YWHAE: variants seen among roughly 807,000 people sequenced by gnomAD.
YWHAE encodes the protein tyrosine 3-monooxygenase/tryptophan 5-monooxygenase activation protein epsilon.
Under a neutral mutation model 30.1 loss-of-function variants are expected in YWHAE, and 4 were observed. The observed-to-expected ratio is 0.13, with a 90% CI of 0.07 to 0.30. The LOEUF (loss-of-function observed/expected upper bound fraction) is 0.30, where lower values mean the gene tolerates loss of function less well. Ranked by LOEUF, YWHAE falls within the 10% of genes least tolerant of loss-of-function variation. YWHAE has a pLI of 1.00. For missense variants in YWHAE, 121 were observed against 315.9 expected (o/e 0.38, Z 4.68); for synonymous variants, 118 against 111.8 (o/e 1.06, Z -0.35).
At position 1,387,872 on chromosome 17, in the gene YWHAE, C is replaced by G. The variant is rs141403060; in HGVS notation, c.64+12175G>C. Among the ~76,000 whole-genome samples the G allele has an allele frequency of 5.5e-3, 833 of 150,216 alleles. 8 individuals are homozygous for G. The highest frequency in any genetic ancestry group is 0.019 in the African/African-American group (785 of 40,726). On this transcript the variant is annotated intron_variant, in intron 1 of 5. Coordinates refer to ENST00000264335, the MANE Select transcript of YWHAE (RefSeq NM_006761.5). ...AACTCCTGACCTCAGGTGATCCACC[C>G]TTCTTGGCCTCCCAAAGTGCTGGGA...
At position 1,358,626 on chromosome 17, in the gene YWHAE, G is replaced by A. The variant is rs923760704; in HGVS notation, c.578+2466C>T. On this transcript the variant is annotated intron_variant, in intron 4 of 5. Coordinates refer to ENST00000264335, the MANE Select transcript of YWHAE (RefSeq NM_006761.5). Reference sequence around the variant, plus strand: ...AGGGAGGCTGAGGTCAGGAGTTTGAGACCAGCCTAACCAAGATAGTGAAAC... The same window carrying A: ...AGGGAGGCTGAGGTCAGGAGTTTGAAACCAGCCTAACCAAGATAGTGAAAC... Among the ~76,000 whole-genome samples, 6 of 151,846 alleles carry A rather than the reference G, an allele frequency of 4.0e-5. No individual in the cohort carries two copies. In the East Asian group the frequency reaches 5.9e-4, roughly 15 times the overall value.
At chr17:1,368,606 A>G (rs2072983051) in intron 1 of YWHAE, among the ~76,000 whole-genome samples, 1 of 151,502 alleles carries the variant, frequency 6.6e-6, no homozygotes, top group African/African-American at 2.4e-5. Context: ...TAATAAGACC[A>G]CTCATTAATT....
At chr17:1,376,052 A>G (rs76167986) in intron 1 of YWHAE, among the ~76,000 whole-genome samples, 3 of 152,240 alleles carry the variant, frequency 2.0e-5, no homozygotes, top group African/African-American at 7.2e-5. Context: ...ATATCTCCAT[A>G]TACTGAAGAA....
chr17:1,352,152 G>C (rs1427354267), intron 5 of YWHAE: 1 of 152,198 alleles, frequency 6.6e-6, no homozygotes, highest in Non-Finnish European at 1.5e-5. Context: ...CCAAGGGCTG[G>C]GAGTAGCTGC....
intron 1 of YWHAE, among the ~76,000 whole-genome samples, chr17:1,388,477 G>A (rs2073341490): frequency 6.6e-6 from 1 of 151,298 alleles, no homozygotes; most frequent in Admixed American, 6.6e-5. Context: ...GATGCAAGTG[G>A]AGCGCCACTG....
At chr17:1,357,884 A>C (rs908437107) in intron 4 of YWHAE, among the ~76,000 whole-genome samples, 1 of 150,588 alleles carries the variant, frequency 6.6e-6, no homozygotes, top group Admixed American at 6.6e-5. Context: ...CTGAGATTGC[A>C]CCACTGCACT....
intron 3 of YWHAE, chr17:1,361,571 C>T (rs1285112531): frequency 4.6e-6 from 2 of 438,098 alleles, no homozygotes; most frequent in Non-Finnish European, 7.9e-6. Flanking sequence ...CCTGATAGAC[C>T]AGAATTAAAC....
intron 1 of YWHAE, 152 bp from the exon 2 acceptor site, chr17:1,365,210 C>G (rs2072923923): frequency 1.1e-6 from 1 of 884,356 alleles, no homozygotes. Context: ...AGTAAAAAGC[C>G]AAAAACATGT....
intron 2 of YWHAE, among the ~76,000 whole-genome samples, chr17:1,363,546 T>C (rs2072895448): frequency 6.6e-6 from 1 of 152,180 alleles, no homozygotes; most frequent in Non-Finnish European, 1.5e-5. Flanking sequence ...ATTACAGGCA[T>C]GAGCCACCAC....
chr17:1,349,020 T>G (rs1173580172), intron 5 of YWHAE, among the ~76,000 whole-genome samples: 1 of 142,258 alleles, frequency 7.0e-6, no homozygotes, highest in East Asian at 2.1e-4. Context: ...AGCAAGACTC[T>G]GTCTCACGAA....
chr17:1,375,899 CTA>C (rs1164047555), intron 1 of YWHAE, among the ~76,000 whole-genome samples: 2 of 152,220 alleles, frequency 1.3e-5, no homozygotes, highest in Non-Finnish European at 2.9e-5. Flanking sequence ...CCCATTTCAA[CTA>C]TGTTGTTCAT....
chr17:1,363,578 T>C (rs2150851765), intron 2 of YWHAE, among the ~76,000 whole-genome samples: 1 of 152,254 alleles, frequency 6.6e-6, no homozygotes, highest in South Asian at 2.1e-4. Flanking sequence ...GCTCACAACT[T>C]TCTATGTGAC....
intron 1 of YWHAE, among the ~76,000 whole-genome samples, chr17:1,397,307 C>A (rs2073489089): frequency 6.6e-6 from 1 of 152,098 alleles, no homozygotes; most frequent in African/African-American, 2.4e-5. Context: ...GAGGTAAAAA[C>A]GATTCGAATA....
In YWHAE at chr17:1,394,436, C is replaced by CAAAAAA. The variant is rs544115909; in HGVS notation, c.64+5605_64+5610dup. Among the ~76,000 whole-genome samples, 319 of 58,526 alleles carry CAAAAAA rather than the reference C, an allele frequency of 5.5e-3. 14 individuals carry two copies. The highest frequency in any genetic ancestry group is 0.026 in the African/African-American group (300 of 11,326). 38.4% of individuals were successfully genotyped at this position (58,526 alleles called of 152,430 possible). On this transcript the variant is annotated intron_variant, in intron 1 of 5. Transcript: ENST00000264335. Reference sequence around the variant, plus strand: ...GGGCAACATAGAGACCTCAAATCCACAAAAAAAAAAAAAAAAAAAAAAAAA... The same window carrying CAAAAAA: ...GGGCAACATAGAGACCTCAAATCCACAAAAAAAAAAAAAAAAAAAAAAAAAAAAAAA...
intron 1 of YWHAE, among the ~76,000 whole-genome samples, chr17:1,372,734 A>G (rs2150861239): frequency 6.6e-6 from 1 of 152,090 alleles, no homozygotes; most frequent in African/African-American, 2.4e-5. Flanking sequence ...CAGGAAGATC[A>G]TGTGAGCCTA....
At chr17:1,379,070 A>G (rs1488933990) in intron 1 of YWHAE, among the ~76,000 whole-genome samples, 2 of 152,160 alleles carry the variant, frequency 1.3e-5, no homozygotes, top group Non-Finnish European at 2.9e-5. Context: ...TGGCAATTTT[A>G]ATTTTATCAT....
intron 2 of YWHAE, among the ~76,000 whole-genome samples, chr17:1,363,550 C>A (rs2072895555): frequency 6.6e-6 from 1 of 152,182 alleles, no homozygotes; most frequent in Admixed American, 6.5e-5. Flanking sequence ...CAGGCATGAG[C>A]CACCACGGAA....
intron 1 of YWHAE, among the ~76,000 whole-genome samples, chr17:1,380,287 T>C (rs1158229794): frequency 6.6e-6 from 1 of 152,080 alleles, no homozygotes; most frequent in Non-Finnish European, 1.5e-5. Context: ...AAATTTTGTA[T>C]TTTTAGTAAA....
At chr17:1,399,747 C>CT in intron 1 of YWHAE, 3 of 319,004 alleles carry the variant, frequency 9.4e-6, no homozygotes, top group South Asian at 7.8e-5. Flanking sequence ...TCTCCTCCCC[C>CT]TCCCCCGCCC....
Sources: gnomAD v4.1 joint callset for allele counts (sites outside exome capture counted in the v4.1 genomes callset) on GRCh38, gnomAD v4.1.1 for gene constraint, MANE v1.5 for transcripts, NCBI Gene and HGNC (gene_info 2026-07-23, HGNC 2026-07-21) for gene names.